NCKAP5: variants seen among roughly 807,000 people sequenced by gnomAD.
The protein encoded by NCKAP5 is nck-associated protein 5.
A neutral mutation model predicts 167.0 loss-of-function variants in NCKAP5; 92 were observed. The observed-to-expected ratio is 0.55, with a 90% confidence interval of 0.47 to 0.66. The LOEUF is 0.66. Among genes scored for constraint, NCKAP5 ranks in the 30% least tolerant of loss-of-function variants. The probability of loss-of-function intolerance (pLI) is 0.00; values close to 1 mark genes in which losing one functional copy is unlikely to be tolerated. For missense variants in NCKAP5, 2,378 were observed against 2,315.0 expected (o/e 1.03, Z -0.56); for synonymous variants, 891 against 877.4 (o/e 1.02, Z -0.27).
At chr2:133,108,218 G>A (rs1283873342) in intron 6 of NCKAP5, among the ~76,000 whole-genome samples, 2 of 152,186 alleles carry the variant, frequency 1.3e-5, no homozygotes, top group Non-Finnish European at 2.9e-5. Context: ...ATTGTGCACA[G>A]CAGGCATTCA....
chr2:132,723,005 T>A (rs1050627914), intron 19 of NCKAP5, among the ~76,000 whole-genome samples: 6 of 151,880 alleles, frequency 4.0e-5, no homozygotes, highest in South Asian at 4.2e-4. Context: ...AAAAAAAAAA[T>A]TTGTAAAGAC....
intron 4 of NCKAP5, among the ~76,000 whole-genome samples, chr2:133,214,742 ATTC>A (rs56967549): frequency 0.22 from 33,105 of 152,022 alleles, 3,838 homozygotes; most frequent in Middle Eastern, 0.35. Flanking sequence ...TTCCCCTGAT[ATTC>A]TTCTACTACT....
chr2:132,967,723 A>C (rs1057213801), intron 7 of NCKAP5, among the ~76,000 whole-genome samples: 4 of 152,242 alleles, frequency 2.6e-5, no homozygotes, highest in African/African-American at 9.6e-5. Context: ...ATGGAAAACA[A>C]GACAAAGTTC....
chr2:133,285,461 G>C (rs1157031086), intron 4 of NCKAP5, among the ~76,000 whole-genome samples: 1 of 151,864 alleles, frequency 6.6e-6, no homozygotes, highest in East Asian at 1.9e-4. Flanking sequence ...TTAGCAATGA[G>C]CTAGAAAAAT....
chr2:133,178,685 C>T lies in NCKAP5; in HGVS notation c.207+35031G>A, dbSNP rs546388798. 2.6e-3 allele frequency among the ~76,000 whole-genome samples: 394 copies of T among 150,756 alleles called. 1 individual carries two copies. Among genetic ancestry groups the T allele is most frequent in the African/African-American group, 9.1e-3 (371 of 40,992 alleles). ...CTAAAAATATAAAAAATTAGCCAGG[C>T]GCGGTGGCGGGCACCTGTAGTCCCA... On this transcript the variant is annotated intron_variant, in intron 5 of 19. Coordinates refer to ENST00000409261, the MANE Select transcript of NCKAP5 (RefSeq NM_207363.3).
chr2:133,075,874 A>T (rs1439403293), intron 6 of NCKAP5, among the ~76,000 whole-genome samples: 3 of 152,184 alleles, frequency 2.0e-5, no homozygotes, highest in African/African-American at 7.2e-5. Flanking sequence ...CAAAAATTAC[A>T]TTAAAATAAA....
chr2:133,474,479 T>A (rs933181764), intron 3 of NCKAP5, among the ~76,000 whole-genome samples: 2 of 152,206 alleles, frequency 1.3e-5, no homozygotes, highest in African/African-American at 4.8e-5. Context: ...TCAAGAGATC[T>A]ATTGTGCAAC....
At chr2:133,090,755 A>T (rs1442989358) in intron 6 of NCKAP5, among the ~76,000 whole-genome samples, 2 of 151,426 alleles carry the variant, frequency 1.3e-5, no homozygotes, top group Admixed American at 1.3e-4. Context: ...TTGCCCTAAG[A>T]CTTCTACATT....
intron 2 of NCKAP5, among the ~76,000 whole-genome samples, chr2:133,557,768 T>C (rs1687845774): frequency 6.6e-6 from 1 of 152,222 alleles, no homozygotes; most frequent in Non-Finnish European, 1.5e-5. Flanking sequence ...CACAGCATTG[T>C]GCAGTGACGA....
intron 3 of NCKAP5, among the ~76,000 whole-genome samples, chr2:133,405,330 T>C (rs1028384479): frequency 1.3e-5 from 2 of 150,892 alleles, no homozygotes; most frequent in Admixed American, 1.3e-4. Context: ...CTAATACACA[T>C]ACTTTCTACA....
chr2:132,786,488 T>C (rs912442039), intron 13 of NCKAP5, among the ~76,000 whole-genome samples: 1 of 152,220 alleles, frequency 6.6e-6, no homozygotes, highest in Non-Finnish European at 1.5e-5. Flanking sequence ...TGTTAGAACC[T>C]GACAGTAATT....
At chr2:133,570,544 T>C (rs941554088), upstream of NCKAP5, among the ~76,000 whole-genome samples, 2 of 152,210 alleles carry the variant, frequency 1.3e-5, no homozygotes, top group African/African-American at 4.8e-5. Context: ...GACCCACCCC[T>C]TTCCCCTTAT....
chr2:132,885,227 C>T (rs955701254), intron 8 of NCKAP5, among the ~76,000 whole-genome samples: 3 of 151,892 alleles, frequency 2.0e-5, no homozygotes, highest in African/African-American at 7.3e-5. Flanking sequence ...AAAAAACCCT[C>T]TTAACTAAAT....
chr2:133,651,045 C>T, the NCKAP5 span, among the ~76,000 whole-genome samples: 1 of 152,204 alleles, frequency 6.6e-6, no homozygotes. Flanking sequence ...GGATTGAAGA[C>T]TGAAACGTAA....
chr2:133,512,271 G>A (rs1363976807), intron 3 of NCKAP5, among the ~76,000 whole-genome samples: 1 of 152,016 alleles, frequency 6.6e-6, no homozygotes, highest in Admixed American at 6.6e-5. Flanking sequence ...TCCTACTGGG[G>A]TATATGTACC....
chr2:132,902,511 A>C (rs1475793616), intron 8 of NCKAP5, among the ~76,000 whole-genome samples: 2 of 152,246 alleles, frequency 1.3e-5, no homozygotes, highest in Non-Finnish European at 2.9e-5. Context: ...ATTGATTTAC[A>C]CAGATACTCG....
intron 5 of NCKAP5, among the ~76,000 whole-genome samples, chr2:133,204,236 G>C (rs1052496442): frequency 1.3e-5 from 2 of 151,900 alleles, no homozygotes; most frequent in East Asian, 1.9e-4. Flanking sequence ...TTTTCTATCA[G>C]ATTGATACTG....
intron 6 of NCKAP5, among the ~76,000 whole-genome samples, chr2:133,017,786 A>G (rs2078391108): frequency 6.6e-6 from 1 of 151,956 alleles, no homozygotes; most frequent in African/African-American, 2.4e-5. Flanking sequence ...AGTAACACAA[A>G]AGAGATTTCC....
At chr2:133,254,785 A>G (rs1341397195) in intron 4 of NCKAP5, among the ~76,000 whole-genome samples, 1 of 152,194 alleles carries the variant, frequency 6.6e-6, no homozygotes, top group African/African-American at 2.4e-5. Context: ...TTCTCTCAAT[A>G]TTCTTGTTAT....
Sources: gnomAD v4.1 joint callset for allele counts (sites outside exome capture counted in the v4.1 genomes callset) on GRCh38, gnomAD v4.1.1 for gene constraint, MANE v1.5 for transcripts, NCBI Gene and HGNC (gene_info 2026-07-23, HGNC 2026-07-21) for gene names.